FHIT: variants seen among roughly 807,000 people sequenced by gnomAD.
FHIT encodes bis(5'-adenosyl)-triphosphatase.
FHIT carries 19 observed loss-of-function variants against 17.9 expected under a neutral mutation model. That is an observed-to-expected ratio of 1.06 (90% CI 0.74 to 1.56). The LOEUF is 1.56. FHIT is among the 40% of genes most tolerant of loss of function. The pLI, the probability that FHIT is intolerant of heterozygous loss-of-function variation, is 0.00. For missense variants in FHIT, 248 were observed against 189.2 expected (o/e 1.31, Z -1.82); for synonymous variants, 81 against 69.7 (o/e 1.16, Z -0.81).
intron 5 of FHIT, among the ~76,000 whole-genome samples, chr3:60,017,832 C>T (rs1396550084): frequency 1.3e-5 from 2 of 152,182 alleles, no homozygotes; most frequent in South Asian, 2.1e-4. Flanking sequence ...AAGACATATT[C>T]GCATTAGTCA....
intron 8 of FHIT, among the ~76,000 whole-genome samples, chr3:59,777,160 G>T (rs1702365117): frequency 6.6e-6 from 1 of 152,048 alleles, no homozygotes; most frequent in Non-Finnish European, 1.5e-5. Context: ...TGTCAGGGTG[G>T]CCCACGCTTG....
intron 8 of FHIT, among the ~76,000 whole-genome samples, chr3:59,860,460 G>A (rs678981): frequency 0.1 from 15,639 of 152,210 alleles, 790 homozygotes; most frequent in African/African-American, 0.12. Flanking sequence ...AAGGATGTTG[G>A]AGAAAAGTTG....
At chr3:60,947,545 C>T (rs942465349) in intron 3 of FHIT, among the ~76,000 whole-genome samples, 1 of 152,276 alleles carries the variant, frequency 6.6e-6, no homozygotes, top group Middle Eastern at 3.4e-3. Context: ...TTTGGTATCC[C>T]AAATGAAGTA....
chr3:60,619,435 A>C (rs1222643053), intron 4 of FHIT, among the ~76,000 whole-genome samples: 2 of 152,140 alleles, frequency 1.3e-5, no homozygotes, highest in African/African-American at 4.8e-5. Flanking sequence ...TGAGAAGAAC[A>C]AAGTAGGAGC....
intron 4 of FHIT, among the ~76,000 whole-genome samples, chr3:60,554,586 A>C (rs1280520541): frequency 1.3e-5 from 2 of 152,228 alleles, no homozygotes; most frequent in Non-Finnish European, 2.9e-5. Context: ...GAGCTTCCAA[A>C]GGGGTTCCTG....
Position 60,458,993 on chromosome 3 carries a change from G to T in FHIT, c.103+77867C>A, listed in dbSNP as rs528166768. Reference sequence around the variant, plus strand: ...AACAAAGTCTCACTATGCTGCTAGGGCTGGTTTCGAGCTCCTGGGCTCAAG... The same window carrying T: ...AACAAAGTCTCACTATGCTGCTAGGTCTGGTTTCGAGCTCCTGGGCTCAAG... On this transcript the variant is annotated intron_variant, in intron 5 of 9. Transcript: ENST00000492590. 1.4e-4 allele frequency among the ~76,000 whole-genome samples: 22 copies of T among 151,932 alleles called. 2 individuals carry two copies. In the South Asian group the frequency reaches 4.4e-3, roughly 30 times the overall value.
intron 8 of FHIT, among the ~76,000 whole-genome samples, chr3:59,756,525 G>A (rs763512837): frequency 1.9e-4 from 29 of 152,086 alleles, no homozygotes; most frequent in Non-Finnish European, 4.1e-4. Flanking sequence ...TTTAGGATAA[G>A]GATGTCTCAT....
At chr3:60,402,389 C>G (rs890647891) in intron 5 of FHIT, among the ~76,000 whole-genome samples, 2 of 152,168 alleles carry the variant, frequency 1.3e-5, no homozygotes, top group African/African-American at 4.8e-5. Flanking sequence ...CACTAATTTT[C>G]CCAACTTTTT....
chr3:60,835,817 C>T (rs1702518812), intron 3 of FHIT, among the ~76,000 whole-genome samples: 1 of 152,122 alleles, frequency 6.6e-6, no homozygotes, highest in South Asian at 2.1e-4. Context: ...GAGGTCTCTC[C>T]ATATTTCCCA....
intron 2 of FHIT, among the ~76,000 whole-genome samples, chr3:61,153,445 T>C (rs1484186892): frequency 6.6e-6 from 1 of 152,138 alleles, no homozygotes; most frequent in Non-Finnish European, 1.5e-5. Flanking sequence ...AAATGACTGA[T>C]GATAGTGAAC....
chr3:60,834,364 G>A (rs1702446901), intron 3 of FHIT, among the ~76,000 whole-genome samples: 1 of 152,106 alleles, frequency 6.6e-6, no homozygotes, highest in Admixed American at 6.5e-5. Flanking sequence ...TAATAATGTT[G>A]AACATCTTTT....
At chr3:59,841,503 AGATAGGCAATAAT>A (rs1701532723) in intron 8 of FHIT, among the ~76,000 whole-genome samples, 1 of 152,176 alleles carries the variant, frequency 6.6e-6, no homozygotes, top group South Asian at 2.1e-4. Flanking sequence ...GGAACAATCC[AGATAGGCAATAAT>A]GAACCCAGGG....
At position 61,095,694 on chromosome 3, in the gene FHIT, T is replaced by C. The variant is rs1160374595; in HGVS notation, c.-163-53595A>G. On this transcript the variant is annotated intron_variant, in intron 2 of 9. Transcript: ENST00000492590. ...TTTCCCTATCTCTCATTCTAACCTA[T>C]CCCCACCCAGGATGCCCTCAGTGCC... 2.0e-5 allele frequency among the ~76,000 whole-genome samples: 3 copies of C among 151,960 alleles called. No individual in the cohort carries two copies. In the East Asian group the frequency reaches 5.8e-4, roughly 29 times the overall value.
intron 1 of FHIT, among the ~76,000 whole-genome samples, chr3:61,225,315 G>A (rs879717785): frequency 2.6e-5 from 4 of 152,042 alleles, no homozygotes; most frequent in Admixed American, 6.6e-5. Context: ...AAAAAGTAGC[G>A]GCCTCATAGA....
chr3:60,881,826 T>C (rs1406039418), intron 3 of FHIT, among the ~76,000 whole-genome samples: 1 of 151,600 alleles, frequency 6.6e-6, no homozygotes, highest in Non-Finnish European at 1.5e-5. Flanking sequence ...AAATAAATAA[T>C]CTAACAGTGC....
At chr3:60,375,308 C>T (rs1036906246) in intron 5 of FHIT, among the ~76,000 whole-genome samples, 3 of 151,564 alleles carry the variant, frequency 2.0e-5, no homozygotes, top group African/African-American at 7.3e-5. Context: ...GTGGCTCACA[C>T]CTGTAATCCT....
At chr3:60,091,709 A>G (rs1049855678) in intron 5 of FHIT, among the ~76,000 whole-genome samples, 1 of 152,054 alleles carries the variant, frequency 6.6e-6, no homozygotes, top group African/African-American at 2.4e-5. Context: ...CATGATAGTA[A>G]GTTACCATGA....
chr3:59,945,512 T>C (rs1340145076), intron 7 of FHIT, among the ~76,000 whole-genome samples: 1 of 152,162 alleles, frequency 6.6e-6, no homozygotes, highest in South Asian at 2.1e-4. Context: ...ATGCATAAGC[T>C]CTTTAGCTTA....
At chr3:61,207,371 C>T (rs369858690) in intron 1 of FHIT, among the ~76,000 whole-genome samples, 19 of 152,170 alleles carry the variant, frequency 1.2e-4, no homozygotes, top group African/African-American at 3.9e-4. Flanking sequence ...TTTCTATTGA[C>T]TGGAATAGTT....
Sources: gnomAD v4.1 joint callset for allele counts (sites outside exome capture counted in the v4.1 genomes callset) on GRCh38, gnomAD v4.1.1 for gene constraint, MANE v1.5 for transcripts, NCBI Gene and HGNC (gene_info 2026-07-23, HGNC 2026-07-21) for gene names.